The following MGAT4C variants were observed in gnomAD, a reference collection of about 807,000 sequenced individuals.
MGAT4C encodes the protein alpha-1,3-mannosyl-glycoprotein 4-beta-N-acetylglucosaminyltransferase C.
A neutral mutation model predicts 40.1 loss-of-function variants in MGAT4C; 19 were observed. That is an observed-to-expected ratio of 0.47 (90% confidence interval 0.33 to 0.70). The LOEUF (loss-of-function observed/expected upper bound fraction) is 0.70. Ranked by LOEUF, MGAT4C falls within the 30% of genes least tolerant of loss-of-function variation. The pLI is 0.02. For synonymous variants in MGAT4C, 181 were observed against 187.1 expected (o/e 0.97, Z 0.27); for missense variants, 491 against 563.2 (o/e 0.87, Z 1.30).
At chr12:86,146,511 T>A (rs1342676000) in intron 1 of MGAT4C, among the ~76,000 whole-genome samples, 1 of 152,146 alleles carries the variant, frequency 6.6e-6, no homozygotes, top group African/African-American at 2.4e-5. Flanking sequence ...TTTAATAGAA[T>A]GTTATCTACT....
intron 4 of MGAT4C, among the ~76,000 whole-genome samples, chr12:86,325,725 A>C (rs1954510751): frequency 6.6e-6 from 1 of 152,068 alleles, no homozygotes; most frequent in Non-Finnish European, 1.5e-5. Flanking sequence ...AAAAAATACA[A>C]AAATTAGCCT....
At chr12:86,570,337 A>AT (rs1274972275) in intron 2 of MGAT4C, among the ~76,000 whole-genome samples, 2 of 152,140 alleles carry the variant, frequency 1.3e-5, no homozygotes, top group Non-Finnish European at 2.9e-5. Flanking sequence ...AATTTTAAAA[A>AT]TTTTACGTAT....
At chr12:86,790,958 G>T (rs1264653547) in intron 1 of MGAT4C, among the ~76,000 whole-genome samples, 4 of 152,106 alleles carry the variant, frequency 2.6e-5, no homozygotes, top group Non-Finnish European at 1.5e-5. Flanking sequence ...TTCTCCCATT[G>T]TGTAGGCAAC....
chr12:86,573,173 A>G (rs765989981), intron 2 of MGAT4C, among the ~76,000 whole-genome samples: 18 of 152,076 alleles, frequency 1.2e-4, no homozygotes, highest in Non-Finnish European at 1.5e-5. Flanking sequence ...AGAAAACAAC[A>G]TAAATCCTGT....
intron 1 of MGAT4C, among the ~76,000 whole-genome samples, chr12:86,157,090 G>GTA (rs2135787427): frequency 6.6e-6 from 1 of 151,348 alleles, no homozygotes; most frequent in East Asian, 2.0e-4. Context: ...AGAAATGCAA[G>GTA]TACTATCATG....
intron 1 of MGAT4C, among the ~76,000 whole-genome samples, chr12:86,127,941 TAAG>T (rs1225603166): frequency 6.6e-6 from 1 of 152,182 alleles, no homozygotes; most frequent in African/African-American, 2.4e-5. Flanking sequence ...TTTAAAAAAA[TAAG>T]TAGTACACTC....
intron 1 of MGAT4C, among the ~76,000 whole-genome samples, chr12:86,743,850 CTTTT>C (rs1313075541): frequency 2.0e-5 from 3 of 151,470 alleles, no homozygotes; most frequent in Non-Finnish European, 3.0e-5. Flanking sequence ...TTAAGTGTGG[CTTTT>C]TTTCTTACTC....
At chr12:86,360,098 C>T (rs929630527) in intron 3 of MGAT4C, among the ~76,000 whole-genome samples, 29 of 152,134 alleles carry the variant, frequency 1.9e-4, no homozygotes, top group Admixed American at 3.9e-4. Flanking sequence ...AAAATACGGG[C>T]AAACCAAATC....
At chr12:86,322,718 T>C (rs879909287) in intron 4 of MGAT4C, among the ~76,000 whole-genome samples, 7 of 152,082 alleles carry the variant, frequency 4.6e-5, no homozygotes, top group Non-Finnish European at 8.8e-5. Context: ...CAGAATATTT[T>C]CCCTAAATAT....
intron 2 of MGAT4C, among the ~76,000 whole-genome samples, chr12:86,560,850 A>G (rs965506771): frequency 1.3e-5 from 2 of 152,190 alleles, no homozygotes; most frequent in Non-Finnish European, 2.9e-5. Context: ...AGGAAGTAAA[A>G]TTGTACTTCT....
intron 1 of MGAT4C, among the ~76,000 whole-genome samples, chr12:86,221,792 G>A (rs540037373): frequency 5.0e-4 from 76 of 152,164 alleles, no homozygotes; most frequent in Non-Finnish European, 8.2e-4. Flanking sequence ...TGCCCACATT[G>A]CCATGTGAAG....
At chr12:86,042,867 CAAAAAA>C (rs140809256) in intron 2 of MGAT4C, among the ~76,000 whole-genome samples, 5 of 107,968 alleles carry the variant, frequency 4.6e-5, no homozygotes, top group Non-Finnish European at 3.6e-5. Context: ...GACTCTGTCT[CAAAAAA>C]AAAAAAAAAA....
At chr12:86,052,998 A>G (rs559992494) in intron 1 of MGAT4C, among the ~76,000 whole-genome samples, 36 of 152,006 alleles carry the variant, frequency 2.4e-4, no homozygotes, top group Admixed American at 5.9e-4. Context: ...CACTTTATTT[A>G]TTTTACTGGA....
At chr12:86,148,887 T>C (rs1883902605) in intron 1 of MGAT4C, among the ~76,000 whole-genome samples, 1 of 152,192 alleles carries the variant, frequency 6.6e-6, no homozygotes, top group Non-Finnish European at 1.5e-5. Flanking sequence ...AATCATCTCA[T>C]CTGAATAAAA....
At chr12:86,725,258 G>A (rs978627346) in intron 2 of MGAT4C, among the ~76,000 whole-genome samples, 6 of 152,158 alleles carry the variant, frequency 3.9e-5, no homozygotes, top group Non-Finnish European at 8.8e-5. Context: ...CCAGGGAGCT[G>A]TGTGAAAATT....
chr12:86,751,064 T>A (rs1322783869), intron 1 of MGAT4C, among the ~76,000 whole-genome samples: 1 of 151,918 alleles, frequency 6.6e-6, no homozygotes, highest in Non-Finnish European at 1.5e-5. Context: ...TAAGGAGATC[T>A]TACAGATTAA....
chr12:86,527,098 G>T (rs1308343919), intron 2 of MGAT4C, among the ~76,000 whole-genome samples: 1 of 152,040 alleles, frequency 6.6e-6, no homozygotes, highest in East Asian at 1.9e-4. Context: ...AAGTCATCTG[G>T]GTCCTTTGGT....
At chr12:86,679,085 G>A in intron 2 of MGAT4C, among the ~76,000 whole-genome samples, 1 of 152,018 alleles carries the variant, frequency 6.6e-6, no homozygotes, top group Non-Finnish European at 1.5e-5. Context: ...ATCCTCTCCA[G>A]TACCTGTTGT....
chr12:86,040,734 CAAACA>C (rs931833291), intron 2 of MGAT4C, among the ~76,000 whole-genome samples: 16 of 119,332 alleles, frequency 1.3e-4, no homozygotes, highest in Non-Finnish European at 2.6e-4. Flanking sequence ...AACAAACAAA[CAAACA>C]AAAAAAAAAC....
Sources: allele counts gnomAD v4.1 joint callset (sites outside exome capture counted in the v4.1 genomes callset), GRCh38; gene constraint gnomAD v4.1.1; transcripts MANE v1.5; gene names NCBI Gene and HGNC (gene_info 2026-07-23, HGNC 2026-07-21).